AURKA: variants seen among roughly 807,000 people sequenced by gnomAD.
AURKA encodes the protein aurora 2.
A neutral mutation model predicts 40.9 loss-of-function variants in AURKA; 12 were observed. The ratio of observed to expected loss-of-function variants is 0.29; its 90% CI spans 0.19 to 0.48. AURKA has a LOEUF of 0.48. Ranked by LOEUF, AURKA falls within the 20% of genes least tolerant of loss-of-function variation. AURKA has a pLI of 0.99. For synonymous variants in AURKA, 170 were observed against 164.3 expected, an observed-to-expected ratio of 1.03 and a Z score of -0.26; for missense variants, 322 against 462.1, an observed-to-expected ratio of 0.70 and a Z score of 2.78.
Position 56,370,200 on chromosome 20 carries a change from TG to T in AURKA, c.1169del (p.Pro390HisfsTer37), listed in dbSNP as rs762455284. ...CTGATTCTTTGTTTTGGCAATTTGA[TG>T]GTTTTGATGAATTTGCTGTGATCCA... ...HPWITANSSK[P>X]SNCQNKESAS... On this transcript the variant is annotated frameshift_variant, in exon 9 of 9. Transcript: ENST00000395915. LOFTEE classifies it high-confidence loss of function. The T allele has an allele frequency of 2.0e-5, 32 of 1,613,530 alleles. No homozygotes were observed. The highest frequency in any genetic ancestry group is 2.6e-5 in the Non-Finnish European group (31 of 1,179,994).
Position 56,373,508 on chromosome 20 carries a change from C to A in AURKA, c.754G>T (p.Val252Phe), listed in dbSNP as rs1984541132. ...NALSYCHSKRVIHRDIKPENL... is the reference protein window; with the variant it reads ...NALSYCHSKRFIHRDIKPENL... Reference sequence around the variant, plus strand: ...TCTGGCTTAATGTCTCTATGAATAACTCTCTTCGAATGACAGTAAGACAGG... The same window carrying A: ...TCTGGCTTAATGTCTCTATGAATAAATCTCTTCGAATGACAGTAAGACAGG... The change falls in exon 7 of 9, where the codon GTT becomes TTT. Residue 252 changes from valine to phenylalanine, a missense_variant. Physicochemically the swap from Val to Phe is conservative, Grantham distance 50. Coordinates refer to ENST00000395915, the MANE Select transcript of AURKA (RefSeq NM_198437.3). This position sits in a 1 kb window ranked among gnomAD's most constrained non-coding sequence, Gnocchi z 5.0. 1 of 1,614,098 alleles carries A rather than the reference C, an allele frequency of 6.2e-7. No individual in the cohort carries two copies. The highest frequency in any genetic ancestry group is 8.5e-7 in the Non-Finnish European group (1 of 1,180,050).
chr20:56,369,668 G>A lies in AURKA; in HGVS notation c.*490C>T, dbSNP rs1983835708. 6.0e-6 allele frequency: 2 copies of A among 332,630 alleles called. No individual in the cohort carries two copies. Among genetic ancestry groups the A allele is most frequent in the African/African-American group, 4.1e-5 (2 of 49,368 alleles). The allele number at this position is 332,630 out of a possible 1,614,324, so 20.6% of individuals were successfully genotyped here. The stretch of plus-strand genomic sequence containing the variant: ...GCCACCAGAGAAAAAATACAAGTCT[G>A]TACATATATCTTTATTTTCATACTT... On this transcript the variant is annotated 3_prime_UTR_variant, in exon 9 of 9. Coordinates refer to ENST00000395915, the MANE Select transcript of AURKA (RefSeq NM_198437.3).
Position 56,370,339 on chromosome 20 carries a change from A to G in AURKA, c.1031T>C (p.Val344Ala), listed in dbSNP as rs1055017499. 6.2e-7 allele frequency: 1 copy of G among 1,614,114 alleles called. No homozygotes were observed. The highest frequency in any genetic ancestry group is 8.5e-7 in the Non-Finnish European group (1 of 1,180,040). The change falls in exon 9 of 9, where the codon GTT (valine) becomes GCT (alanine). Residue 344 changes from valine (V) to alanine (A), a missense_variant and splice_region_variant. Transcript: ENST00000395915. ...TACAAAGTCAGGGAATGTGAATTCA[A>G]CCTGGAGTACAACAAATGATAAAAT... Reference protein sequence around the residue: ...YQETYKRISRVEFTFPDFVTE... With the variant: ...YQETYKRISRAEFTFPDFVTE...
chr20:56,375,229 A>G (rs2146149797), intron 6 of AURKA, among the ~76,000 whole-genome samples: 1 of 152,014 alleles, frequency 6.6e-6, no homozygotes. Context: ...GCCGTAAGCA[A>G]TCCTCCCACC....
At chr20:56,389,992 A>G (rs1986862994) in intron 1 of AURKA, among the ~76,000 whole-genome samples, 3 of 152,136 alleles carry the variant, frequency 2.0e-5, no homozygotes. Context: ...GTCATGGTCC[A>G]TTCTTAACAC....
intron 6 of AURKA, among the ~76,000 whole-genome samples, chr20:56,378,945 A>C (rs555109631): frequency 6.6e-6 from 1 of 152,232 alleles, no homozygotes; most frequent in Non-Finnish European, 1.5e-5. Flanking sequence ...ACTATTCTCT[A>C]TATCATAATG....
chr20:56,390,966 C>A (rs904532750), intron 1 of AURKA, among the ~76,000 whole-genome samples: 1 of 152,116 alleles, frequency 6.6e-6, no homozygotes, highest in African/African-American at 2.4e-5. Flanking sequence ...ATTTATTCTA[C>A]CTTTCTTTCT....
intron 1 of AURKA, 87 bp from the exon 2 acceptor site, chr20:56,388,289 A>G (rs1600713347): frequency 3.5e-6 from 4 of 1,144,210 alleles, no homozygotes; most frequent in South Asian, 2.5e-5. Context: ...CAGTTCCCCA[A>G]TCAAAAGGCC....
chr20:56,371,914 A>G (rs948168435), intron 7 of AURKA, among the ~76,000 whole-genome samples: 1 of 152,256 alleles, frequency 6.6e-6, no homozygotes. Flanking sequence ...TGATGTTTGC[A>G]ACGTATTTTC....
Position 56,370,047 on chromosome 20 carries a change from G to A in AURKA, c.*111C>T. ...GCTGAGTAAAACAAATATTTCTTGT[G>A]TAGCGTTCTAGATTGAGGGCAGCAG... On this transcript the variant is annotated 3_prime_UTR_variant, in exon 9 of 9. Coordinates refer to ENST00000395915, the MANE Select transcript of AURKA (RefSeq NM_198437.3). 1 of 1,339,842 alleles carries A rather than the reference G, an allele frequency of 7.5e-7. No individual in the cohort carries two copies. The highest frequency in any genetic ancestry group is 1.1e-6 in the Non-Finnish European group (1 of 936,196). The allele number at this position is 1,339,842 out of a possible 1,614,324, so 83.0% of individuals were successfully genotyped here.
rs192396655 is a variant in AURKA, at chr20:56,382,069, C to G, written c.567-498G>C. 4.2e-3 allele frequency among the ~76,000 whole-genome samples: 632 copies of G among 151,554 alleles called. 3 individuals carry two copies. The highest frequency in any genetic ancestry group is 0.012 in the African/African-American group (505 of 41,274). On this transcript the variant is annotated intron_variant, in intron 5 of 8. Transcript: ENST00000395915. Reference sequence around the variant, plus strand: ...ATCCTAGCTACTCAGGAGGCTGAGGCAGGAGAATCGCTTTAACCTGGGAGG... The same window carrying G: ...ATCCTAGCTACTCAGGAGGCTGAGGGAGGAGAATCGCTTTAACCTGGGAGG...
In AURKA at chr20:56,383,131, A is replaced by G. The variant is rs1354041667; in HGVS notation, c.420T>C (p.Gly140=). 6 of 1,614,194 alleles carry G rather than the reference A, an allele frequency of 3.7e-6. No individual in the cohort carries two copies. The highest frequency in any genetic ancestry group is 4.2e-6 in the Non-Finnish European group (5 of 1,180,038). Residue 140 remains glycine, a synonymous_variant, in exon 5 of 9, where the codon GGT becomes GGC. Transcript: ENST00000395915. ...LEDFEIGRPL[G]KGKFGNVYLA... is the part of the protein sequence containing the mutation. ...AATAAACATTACCAAACTTTCCTTT[A>G]CCCAGAGGGCGACCAATTTCAAAGT...
intron 1 of AURKA, 140 bp from the exon 2 acceptor site, chr20:56,388,342 T>A: frequency 3.7e-6 from 3 of 804,096 alleles, no homozygotes; most frequent in Non-Finnish European, 6.3e-6. Context: ...CAAATGAAGC[T>A]AATGAGGGAG....
intron 6 of AURKA, among the ~76,000 whole-genome samples, chr20:56,380,270 G>A (rs1178550738): frequency 1.6e-4 from 24 of 150,052 alleles, no homozygotes; most frequent in African/African-American, 5.2e-4. Context: ...CAGAAGAATC[G>A]CTTCAACCTG....
At chr20:56,377,999 C>T (rs559206652) in intron 6 of AURKA, among the ~76,000 whole-genome samples, 2 of 152,140 alleles carry the variant, frequency 1.3e-5, no homozygotes, top group South Asian at 4.2e-4. Context: ...AACCTTGTCT[C>T]TACAAAAAAA....
chr20:56,373,298 C>A lies in AURKA; in HGVS notation c.854+110G>T, dbSNP rs1006189252. Reference sequence around the variant, plus strand: ...CTCCAAAGTACTTCTGGGTTAGCCACCTACCCCTCTTACAGCACAAAATCT... The same window carrying A: ...CTCCAAAGTACTTCTGGGTTAGCCAACTACCCCTCTTACAGCACAAAATCT... On this transcript the variant is annotated intron_variant, in intron 7 of 8. Coordinates refer to ENST00000395915, the MANE Select transcript of AURKA (RefSeq NM_198437.3). The surrounding 1 kb of genome is among the most constrained non-coding windows in gnomAD (Gnocchi z 5.0). The A allele has an allele frequency of 8.7e-6, 13 of 1,493,114 alleles. No homozygotes were observed. The highest frequency in any genetic ancestry group is 5.1e-5 in the Admixed American group (3 of 58,806). The allele number at this position is 1,493,114 out of a possible 1,614,324, so 92.5% of individuals were successfully genotyped here.
At chr20:56,389,762 T>C (rs963357598) in intron 1 of AURKA, among the ~76,000 whole-genome samples, 1 of 152,164 alleles carries the variant, frequency 6.6e-6, no homozygotes, top group Non-Finnish European at 1.5e-5. Context: ...GGCAAACCCA[T>C]CCTGTCAGTT....
chr20:56,379,015 A>C (rs914850586), intron 6 of AURKA, among the ~76,000 whole-genome samples: 5 of 152,204 alleles, frequency 3.3e-5, no homozygotes. Flanking sequence ...AAACACACAA[A>C]AATCAATCTC....
intron 7 of AURKA, among the ~76,000 whole-genome samples, chr20:56,372,653 T>C (rs766944909): frequency 1.1e-4 from 16 of 151,916 alleles, no homozygotes; most frequent in Non-Finnish European, 2.2e-4. Context: ...AGGCTATACT[T>C]TTTTTTTAAC....
Sources: allele counts gnomAD v4.1 joint callset (sites outside exome capture counted in the v4.1 genomes callset), GRCh38; gene constraint gnomAD v4.1.1; non-coding constraint Gnocchi (gnomAD v3.1); transcripts MANE v1.5; gene names NCBI Gene and HGNC (gene_info 2026-07-23, HGNC 2026-07-21).